Variants in LRFN2 observed in about 807,000 individuals in gnomAD.
LRFN2 encodes the protein leucine rich repeat and fibronectin type III domain containing 2.
In LRFN2, 18 loss-of-function variants were observed where a neutral mutation model predicts 37.3. The ratio of observed to expected loss-of-function variants is 0.48; its 90% CI spans 0.33 to 0.72. The LOEUF is 0.72. Among genes scored for constraint, LRFN2 ranks in the 30% least tolerant of loss-of-function variants. The pLI is 0.02. For missense variants in LRFN2, 1,006 were observed against 1,060.7 expected (o/e 0.95, Z 0.72); for synonymous variants, 556 against 466.6 (o/e 1.19, Z -2.47).
Position 40,392,777 on chromosome 6 carries a change from C to T in LRFN2, c.1536G>A (p.Gln512=). The T allele has an allele frequency of 6.2e-7, 1 of 1,614,152 alleles. No individual in the cohort carries two copies. Among genetic ancestry groups the T allele is most frequent in the Non-Finnish European group, 8.5e-7 (1 of 1,180,012 alleles). The change falls in exon 3 of 3, where the codon CAG becomes CAA. Residue 512 remains glutamine (Q), a synonymous_variant. Transcript: ENST00000338305. The surrounding 1 kb of genome is among the most constrained non-coding windows in gnomAD (Gnocchi z 4.7). ...LTATNIVGCA[Q]FFTKADYPQC... ...GCGGGTAGTCAGCCTTGGTGAAGAACTGGGCGCAGCCCACGATGTTGGTGG... is the reference window on the plus strand; with the variant it reads ...GCGGGTAGTCAGCCTTGGTGAAGAATTGGGCGCAGCCCACGATGTTGGTGG...
intron 1 of LRFN2, among the ~76,000 whole-genome samples, chr6:40,518,298 A>G (rs1765942534): frequency 6.6e-6 from 1 of 152,204 alleles, no homozygotes. Context: ...CCAGCTGGTG[A>G]CCAATAAATA....
rs551497830 is a variant in LRFN2 at position 40,413,318 on chromosome 6, G to A, written c.1400+18396C>T. Among the ~76,000 whole-genome samples the A allele has an allele frequency of 1.2e-4, 19 of 152,326 alleles. No individual in the cohort carries two copies. In the South Asian group the frequency reaches 2.7e-3, roughly 22 times the overall value. On this transcript the variant is annotated intron_variant, in intron 2 of 2. Transcript: ENST00000338305. Reference sequence around the variant, plus strand: ...CTCTGCTGTATGTCCCCACACCAGGGAATCCCGTGACTGTCCGAGATTCAC... The same window carrying A: ...CTCTGCTGTATGTCCCCACACCAGGAAATCCCGTGACTGTCCGAGATTCAC...
chr6:40,398,404 C>T (rs746242094), intron 2 of LRFN2, among the ~76,000 whole-genome samples: 2 of 151,964 alleles, frequency 1.3e-5, no homozygotes, highest in Middle Eastern at 6.8e-3. Flanking sequence ...TCTTCTCTGC[C>T]GCCGACCTTC....
intron 1 of LRFN2, among the ~76,000 whole-genome samples, chr6:40,458,971 C>A (rs1764289143): frequency 6.6e-6 from 1 of 152,242 alleles, no homozygotes; most frequent in Non-Finnish European, 1.5e-5. Context: ...TCTTTTCAGA[C>A]TCTTTGTTAC....
In LRFN2 at chr6:40,539,093, A is replaced by C. The variant is rs1041005934; in HGVS notation, c.-19+47848T>G. 3.3e-5 allele frequency among the ~76,000 whole-genome samples: 5 copies of C among 151,930 alleles called. No homozygotes were observed. In the South Asian group the frequency reaches 8.3e-4, roughly 25 times the overall value. On this transcript the variant is annotated intron_variant, in intron 1 of 2. Transcript: ENST00000338305. ...CTCCATCTTCTACCCTCTCAGCCCC[A>C]AAACCATCCCCATCCCCCTCCTTGA... is the stretch of plus-strand genomic sequence containing the variant.
At chr6:40,521,499 A>G (rs1766067343) in intron 1 of LRFN2, among the ~76,000 whole-genome samples, 1 of 152,264 alleles carries the variant, frequency 6.6e-6, no homozygotes, top group Non-Finnish European at 1.5e-5. Flanking sequence ...GAGAATCACT[A>G]ATTACAGGCA....
At chr6:40,474,647 A>G (rs563915030) in intron 1 of LRFN2, among the ~76,000 whole-genome samples, 25 of 151,872 alleles carry the variant, frequency 1.6e-4, no homozygotes, top group African/African-American at 6.0e-4. Context: ...ATGCCACCAC[A>G]CCTGGCTAAT....
chr6:40,496,632 G>A (rs1216400498), intron 1 of LRFN2, among the ~76,000 whole-genome samples: 1 of 152,056 alleles, frequency 6.6e-6, no homozygotes. Flanking sequence ...AGTGTCCTCA[G>A]AGAGGCCTCT....
chr6:40,567,871 C>G (rs924588611), intron 1 of LRFN2, among the ~76,000 whole-genome samples: 3 of 152,138 alleles, frequency 2.0e-5, no homozygotes, highest in African/African-American at 7.2e-5. Flanking sequence ...AGAGACTATA[C>G]CCCACAGATG....
At chr6:40,559,299 T>C (rs1239170469) in intron 1 of LRFN2, among the ~76,000 whole-genome samples, 2 of 152,274 alleles carry the variant, frequency 1.3e-5, no homozygotes, top group Admixed American at 1.3e-4. Flanking sequence ...AGTAAAGCCA[T>C]TACCACACTG....
intron 1 of LRFN2, among the ~76,000 whole-genome samples, chr6:40,487,162 TC>T (rs1367419943): frequency 6.6e-6 from 1 of 152,170 alleles, no homozygotes; most frequent in Non-Finnish European, 1.5e-5. Context: ...TAATTCTGGG[TC>T]CCCTTCCTCT....
intron 1 of LRFN2, among the ~76,000 whole-genome samples, chr6:40,465,879 G>C (rs940335240): frequency 4.6e-5 from 7 of 152,192 alleles, no homozygotes; most frequent in African/African-American, 1.7e-4. Flanking sequence ...CCTCAGGTAA[G>C]TTCCTGGAGG....
chr6:40,467,166 AGATGATGAT>A (rs35088407), intron 1 of LRFN2, among the ~76,000 whole-genome samples: 38 of 148,672 alleles, frequency 2.6e-4, no homozygotes, highest in South Asian at 2.0e-3. Flanking sequence ...AAGTTGAATG[AGATGATGAT>A]GATGATGATG....
chr6:40,488,266 G>T (rs1009051644), intron 1 of LRFN2, among the ~76,000 whole-genome samples: 1 of 151,964 alleles, frequency 6.6e-6, no homozygotes, highest in African/African-American at 2.4e-5. Context: ...TGCAAGGAAG[G>T]GGTTCCAAGG....
chr6:40,435,685 C>T (rs1432193183), intron 1 of LRFN2, among the ~76,000 whole-genome samples: 1 of 152,034 alleles, frequency 6.6e-6, no homozygotes, highest in Non-Finnish European at 1.5e-5. Flanking sequence ...ACTACAGGTG[C>T]CCGCCACCAC....
intron 2 of LRFN2, among the ~76,000 whole-genome samples, chr6:40,414,807 G>C (rs1000970905): frequency 6.6e-6 from 1 of 152,220 alleles, no homozygotes; most frequent in East Asian, 1.9e-4. Flanking sequence ...TGACCACAAA[G>C]CTGAACACGG....
chr6:40,518,303 T>C (rs1345472251), intron 1 of LRFN2, among the ~76,000 whole-genome samples: 1 of 152,176 alleles, frequency 6.6e-6, no homozygotes, highest in African/African-American at 2.4e-5. Context: ...TGGTGACCAA[T>C]AAATATTTGT....
At chr6:40,394,083 A>G (rs1762567841) in intron 2 of LRFN2, among the ~76,000 whole-genome samples, 1 of 152,128 alleles carries the variant, frequency 6.6e-6, no homozygotes. Context: ...TTTCTTTAGT[A>G]GAAGACTTTA....
At chr6:40,442,489 C>T (rs1581709044) in intron 1 of LRFN2, among the ~76,000 whole-genome samples, 1 of 152,240 alleles carries the variant, frequency 6.6e-6, no homozygotes, top group African/African-American at 2.4e-5. Context: ...AACTGGGGCT[C>T]CCTGAGGACA....
Sources: gnomAD v4.1 joint callset for allele counts (sites outside exome capture counted in the v4.1 genomes callset) on GRCh38, gnomAD v4.1.1 for gene constraint, Gnocchi (gnomAD v3.1) non-coding constraint, MANE v1.5 for transcripts, NCBI Gene and HGNC (gene_info 2026-07-23, HGNC 2026-07-21) for gene names.